Variants in SYNE1 observed in about 807,000 individuals in gnomAD.
The protein encoded by SYNE1 is spectrin repeat containing nuclear envelope protein 1.
Under a neutral mutation model 1,111.0 loss-of-function variants are expected in SYNE1, and 616 were observed. The ratio of observed to expected loss-of-function variants is 0.55; its 90% CI spans 0.52 to 0.59. The LOEUF (loss-of-function observed/expected upper bound fraction) is 0.59. SYNE1 is among the 20% of genes least tolerant of loss of function. The pLI is 0.00. For missense variants in SYNE1, 10,006 were observed against 10,417.0 expected (o/e 0.96, Z 1.72); for synonymous variants, 3,855 against 3,825.8 (o/e 1.01, Z -0.28).
intron 26 of SYNE1, 102 bp downstream of exon 26, chr6:152,450,945 T>C (rs2098643244): frequency 1.9e-6 from 3 of 1,595,708 alleles, no homozygotes; most frequent in Admixed American, 1.7e-5. Context: ...GGTAGAGTAA[T>C]TAAGCTATTA....
At chr6:152,612,244 T>C (rs913966740) in intron 3 of SYNE1, among the ~76,000 whole-genome samples, 7 of 151,964 alleles carry the variant, frequency 4.6e-5, no homozygotes, top group African/African-American at 1.7e-4. Context: ...ATTGATAGAC[T>C]GCTAGCAAGA....
At position 152,352,052 on chromosome 6, in the gene SYNE1, T is replaced by C; in HGVS notation, c.11555A>G (p.Lys3852Arg). 1 of 1,614,200 alleles carries C rather than the reference T, an allele frequency of 6.2e-7. No homozygotes were observed. Among genetic ancestry groups the C allele is most frequent in the Non-Finnish European group, 8.5e-7 (1 of 1,180,034 alleles). The change falls in exon 70 of 146, where the codon AAA becomes AGA. Residue 3852 changes from lysine (K) to arginine (R), a missense_variant. Around this residue, in one of 7 missense-constraint regions of SYNE1, gnomAD observed 4,955 missense variants for 5,017.2 expected, o/e 0.99. Coordinates refer to ENST00000367255, the MANE Select transcript of SYNE1 (RefSeq NM_182961.4). Reference protein sequence around the residue: ...PEEPKMELYEKKAQLSKYKSL... With the variant: ...PEEPKMELYERKAQLSKYKSL... ...CTTGTATTTAGATAACTGAGCTTTTTTCTCATATAATTCCATTTTGGGTTC... is the reference window on the plus strand; with the variant it reads ...CTTGTATTTAGATAACTGAGCTTTTCTCTCATATAATTCCATTTTGGGTTC...
chr6:152,605,015 AGAGAGAGAGAGAGAGAGAGAGG>A (rs1327089794), intron 3 of SYNE1, among the ~76,000 whole-genome samples: 7 of 61,000 alleles, frequency 1.1e-4, no homozygotes, highest in African/African-American at 5.6e-4. Flanking sequence ...AAAGAGAGAG[AGAGAGAGAGAGAGAGAGAGAGG>A]GAGGGAGGGA....
chr6:152,458,317 T>C (rs1314531225), intron 22 of SYNE1, among the ~76,000 whole-genome samples: 2 of 152,180 alleles, frequency 1.3e-5, no homozygotes, highest in South Asian at 2.1e-4. Context: ...CACAGAGACA[T>C]TGTGAACTTT....
At chr6:152,413,329 G>C in intron 42 of SYNE1, 23 bp downstream of exon 42, 1 of 1,613,922 alleles carries the variant, frequency 6.2e-7, no homozygotes, top group Non-Finnish European at 8.5e-7. Context: ...CTAAAAACAA[G>C]AACTGGGTGG....
At chr6:152,507,117 C>T (rs1179218112) in intron 8 of SYNE1, among the ~76,000 whole-genome samples, 1 of 152,190 alleles carries the variant, frequency 6.6e-6, no homozygotes, top group African/African-American at 2.4e-5. Flanking sequence ...AGCTGACAGT[C>T]ATGCAGGTTG....
intron 127 of SYNE1, among the ~76,000 whole-genome samples, chr6:152,193,528 G>A (rs2073153122): frequency 6.6e-6 from 1 of 152,044 alleles, no homozygotes; most frequent in Non-Finnish European, 1.5e-5. Flanking sequence ...ATGTTGACCA[G>A]GTTGGTCTCA....
At chr6:152,164,469 AAGG>A (rs2063205882) in intron 130 of SYNE1, 144 bp from the exon 131 acceptor site, 1 of 952,958 alleles carries the variant, frequency 1.0e-6, no homozygotes, top group African/African-American at 1.6e-5. Context: ...ACAGAAGACA[AAGG>A]AGGATAGAAA....
chr6:152,163,546 AG>A (rs2062978363), intron 131 of SYNE1, among the ~76,000 whole-genome samples: 1 of 149,884 alleles, frequency 6.7e-6, no homozygotes. Context: ...AGGGAATGGG[AG>A]GTGAAAATTT....
chr6:152,364,896 C>T lies in SYNE1; in HGVS notation c.10096G>A (p.Val3366Met). The stretch of plus-strand genomic sequence containing the variant: ...AAAAGGGATGCCCACATATCCTTCA[C>T]ACTCTGCAGCTGCTGCTGAATAGTG... The part of the protein sequence containing the change: ...IPTIQQQLQS[V>M]KDMWASLLSA... The change falls in exon 63 of 146, where the codon GTG becomes ATG. Residue 3366 changes from valine to methionine, a missense_variant. Val to Met is a conservative substitution (Grantham distance 21, BLOSUM62 1). Transcript: ENST00000367255. 6.2e-7 allele frequency: 1 copy of T among 1,614,214 alleles called. No individual in the cohort carries two copies.
In SYNE1 at chr6:152,526,056, A is replaced by T. The variant is rs112609079; in HGVS notation, c.225+24T>A. 462 of 1,602,828 alleles carry T rather than the reference A, an allele frequency of 2.9e-4. 1 individual carries two copies. In the African/African-American group the frequency reaches 3.9e-3, roughly 14 times the overall value. On this transcript the variant is annotated intron_variant, in intron 5 of 145. Coordinates refer to ENST00000367255, the MANE Select transcript of SYNE1 (RefSeq NM_182961.4). Reference sequence around the variant, plus strand: ...TCCAAATGGAAACAATTTGACAAGTATGATCACACAAAAAAATTCTTACCA... The same window carrying T: ...TCCAAATGGAAACAATTTGACAAGTTTGATCACACAAAAAAATTCTTACCA...
chr6:152,334,382 GA>G (rs1213660553), intron 76 of SYNE1, 109 bp from the exon 77 acceptor site: 135 of 1,170,772 alleles, frequency 1.2e-4, no homozygotes, highest in Non-Finnish European at 1.5e-4. Context: ...TCCTTAATAT[GA>G]AAAAAACTGA....
intron 4 of SYNE1, among the ~76,000 whole-genome samples, chr6:152,529,525 T>G (rs1481398595): frequency 6.6e-6 from 1 of 152,146 alleles, no homozygotes; most frequent in Non-Finnish European, 1.5e-5. Context: ...GGTTAGTCAG[T>G]GTGTTGGGGG....
chr6:152,286,264 T>C (rs1354488953), intron 95 of SYNE1, among the ~76,000 whole-genome samples: 1 of 152,214 alleles, frequency 6.6e-6, no homozygotes, highest in Non-Finnish European at 1.5e-5. Flanking sequence ...TCCAGGATTC[T>C]ATAAGCTCTT....
At chr6:152,264,689 A>G (rs1261570250) in intron 100 of SYNE1, among the ~76,000 whole-genome samples, 1 of 152,112 alleles carries the variant, frequency 6.6e-6, no homozygotes, top group African/African-American at 2.4e-5. Flanking sequence ...AGTCCCAGCT[A>G]CTTTGGAGGC....
At chr6:152,450,594 C>A in intron 27 of SYNE1, 31 bp downstream of exon 27, 1 of 1,566,968 alleles carries the variant, frequency 6.4e-7, no homozygotes, top group East Asian at 2.2e-5. Flanking sequence ...AGTTTGACTA[C>A]ACCCCTCTCT....
intron 3 of SYNE1, among the ~76,000 whole-genome samples, chr6:152,592,923 A>G (rs567593134): frequency 1.0e-3 from 157 of 152,216 alleles, no homozygotes; most frequent in African/African-American, 3.7e-3. Flanking sequence ...GTGCCCTGCA[A>G]TGCAACAGCA....
chr6:152,236,173 A>C lies in SYNE1; in HGVS notation c.20330T>G (p.Leu6777Arg). 2.5e-6 allele frequency: 4 copies of C among 1,614,220 alleles called. No individual in the cohort carries two copies. The highest frequency in any genetic ancestry group is 3.4e-6 in the Non-Finnish European group (4 of 1,180,036). ...SQLNQLGECW[L>R]SNTNKMSKEL... Reference sequence around the variant, plus strand: ...CTTAGACATTTTATTGGTGTTACTTAGCCAGCACTCTCCAAGTTGATTTAG... The same window carrying C: ...CTTAGACATTTTATTGGTGTTACTTCGCCAGCACTCTCCAAGTTGATTTAG... Residue 6777 changes from leucine to arginine, a missense_variant, in exon 110 of 146, where the codon CTA becomes CGA. Leu to Arg is a moderately radical substitution (Grantham distance 102). This residue lies in a region of SYNE1 where 2,182 missense variants were observed against 2,287.8 expected (regional missense o/e 0.95). Coordinates refer to ENST00000367255, the MANE Select transcript of SYNE1 (RefSeq NM_182961.4).
chr6:152,505,534 A>C, intron 8 of SYNE1, 137 bp from the exon 9 acceptor site: 1 of 983,308 alleles, frequency 1.0e-6, no homozygotes, highest in African/African-American at 1.6e-5. Context: ...TTTGAGAAAA[A>C]TTAAGGGAAA....
Sources: gnomAD v4.1 joint callset for allele counts (sites outside exome capture counted in the v4.1 genomes callset) on GRCh38, gnomAD v4.1.1 for gene constraint, gnomAD v4.1.1 regional missense constraint, MANE v1.5 for transcripts, NCBI Gene and HGNC (gene_info 2026-07-23, HGNC 2026-07-21) for gene names.